RNLS: variants seen among roughly 807,000 people sequenced by gnomAD.
RNLS encodes renalase, FAD dependent amine oxidase.
Under a neutral mutation model 39.8 loss-of-function variants are expected in RNLS, and 39 were observed. That is an observed-to-expected ratio of 0.98 (90% CI 0.76 to 1.28). The LOEUF (loss-of-function observed/expected upper bound fraction) is 1.28. RNLS is among the 50% of genes most tolerant of loss of function. The probability of loss-of-function intolerance (pLI) is 0.00; values close to 1 mark genes in which losing one functional copy is unlikely to be tolerated. For synonymous variants in RNLS, 147 were observed against 150.7 expected (o/e 0.98, Z 0.18); for missense variants, 410 against 413.3 (o/e 0.99, Z 0.07).
chr10:88,524,947 TGGCACAC>T (rs1300842991), intron 4 of RNLS, among the ~76,000 whole-genome samples: 2 of 79,440 alleles, frequency 2.5e-5, no homozygotes, highest in East Asian at 5.1e-4. Flanking sequence ...TATATATATA[TGGCACAC>T]ACATACATAT....
the RNLS span, among the ~76,000 whole-genome samples, chr10:88,203,346 G>A: frequency 0.59 from 8,649 of 14,574 alleles, 3,811 homozygotes; most frequent in Non-Finnish European, 0.68. Flanking sequence ...ACACGTATGT[G>A]TATATATATA....
chr10:88,582,937 G>A (rs1850720410), intron 1 of RNLS, 136 bp downstream of exon 1: 4 of 1,042,004 alleles, frequency 3.8e-6, no homozygotes, highest in Non-Finnish European at 4.0e-6. Context: ...CGGCGCATGG[G>A]CCGCGCTACA....
chr10:88,500,604 T>C (rs1400649963), intron 4 of RNLS, among the ~76,000 whole-genome samples: 1 of 152,192 alleles, frequency 6.6e-6, no homozygotes, highest in Admixed American at 6.6e-5. Flanking sequence ...AAGCAAATCA[T>C]GCTATTTAAT....
At chr10:88,299,748 A>T (rs1414698505) in intron 6 of RNLS, among the ~76,000 whole-genome samples, 1 of 152,204 alleles carries the variant, frequency 6.6e-6, no homozygotes, top group African/African-American at 2.4e-5. Context: ...TAATTTTTGT[A>T]TATTCTGTGA....
the RNLS span, among the ~76,000 whole-genome samples, chr10:88,187,827 C>T: frequency 6.6e-6 from 1 of 152,186 alleles, no homozygotes; most frequent in South Asian, 2.1e-4. Flanking sequence ...TACCTTATTT[C>T]TTACTTTCTG....
At chr10:88,433,754 C>T (rs1855277916) in intron 4 of RNLS, among the ~76,000 whole-genome samples, 1 of 152,062 alleles carries the variant, frequency 6.6e-6, no homozygotes, top group African/African-American at 2.4e-5. Context: ...ATGGCATTTA[C>T]TTCAGCCACA....
Position 88,550,598 on chromosome 10 carries a change from T to C in RNLS, c.526+22305A>G, listed in dbSNP as rs184834454. Among the ~76,000 whole-genome samples the C allele has an allele frequency of 3.3e-5, 5 of 152,350 alleles. 1 individual carries two copies. The highest frequency in any genetic ancestry group is 1.2e-4 in the African/African-American group (5 of 41,580). On this transcript the variant is annotated intron_variant, in intron 4 of 6. Coordinates refer to ENST00000331772, the MANE Select transcript of RNLS (RefSeq NM_001031709.3). ...GATCCTGGTTTGAATATAAGCCTTT[T>C]TGTTTCCTCCCCCAAAATCTAATGT...
intron 5 of RNLS, among the ~76,000 whole-genome samples, chr10:88,339,521 T>G (rs1216232795): frequency 6.6e-6 from 1 of 152,142 alleles, no homozygotes; most frequent in Non-Finnish European, 1.5e-5. Flanking sequence ...TCTCTAAACT[T>G]TAGTTTTCTC....
At chr10:88,437,709 T>C (rs1210758865) in intron 4 of RNLS, among the ~76,000 whole-genome samples, 1 of 152,208 alleles carries the variant, frequency 6.6e-6, no homozygotes, top group African/African-American at 2.4e-5. Context: ...TTATTTAGTC[T>C]AAGCCAATCA....
chr10:88,224,552 G>T, the RNLS span, among the ~76,000 whole-genome samples: 1 of 152,166 alleles, frequency 6.6e-6, no homozygotes, highest in Non-Finnish European at 1.5e-5. Flanking sequence ...TCTGTCTGTT[G>T]GATAAATTGT....
At chr10:88,318,569 C>T (rs1845940655) in intron 5 of RNLS, among the ~76,000 whole-genome samples, 2 of 152,184 alleles carry the variant, frequency 1.3e-5, no homozygotes, top group African/African-American at 4.8e-5. Context: ...AAGGGCAGGG[C>T]CCAACTCCCT....
intron 5 of RNLS, among the ~76,000 whole-genome samples, chr10:88,354,084 C>T (rs1398610732): frequency 6.6e-6 from 1 of 152,162 alleles, no homozygotes; most frequent in African/African-American, 2.4e-5. Flanking sequence ...CTTCCTCCAT[C>T]CCTTTATTTT....
chr10:88,258,875 T>C, the RNLS span, among the ~76,000 whole-genome samples: 1 of 152,162 alleles, frequency 6.6e-6, no homozygotes, highest in Non-Finnish European at 1.5e-5. Context: ...AGACCTAGGG[T>C]GCTCTGCTGC....
At chr10:88,548,261 CAAAAAAAAAAAAAA>C (rs869175046) in intron 4 of RNLS, among the ~76,000 whole-genome samples, 2 of 32,404 alleles carry the variant, frequency 6.2e-5, no homozygotes, top group South Asian at 2.4e-3. Flanking sequence ...GACTCCGTCT[CAAAAAAAAAAAAAA>C]AAAAAAAAAA....
Position 88,498,689 on chromosome 10 carries a change from C to T in RNLS, c.526+74214G>A, listed in dbSNP as rs1053084912. ...AAAATGCCCTTGTTTTAAGAAGGCACACAATGGAGTATATACAGATAGGAG... is the reference window on the plus strand; with the variant it reads ...AAAATGCCCTTGTTTTAAGAAGGCATACAATGGAGTATATACAGATAGGAG... On this transcript the variant is annotated intron_variant, in intron 4 of 6. Coordinates refer to ENST00000331772, the MANE Select transcript of RNLS (RefSeq NM_001031709.3). Among the ~76,000 whole-genome samples the T allele has an allele frequency of 3.3e-5, 5 of 151,684 alleles. No individual in the cohort carries two copies. In the East Asian group the frequency reaches 5.8e-4, roughly 18 times the overall value.
chr10:88,240,180 G>T, the RNLS span, among the ~76,000 whole-genome samples: 2 of 151,978 alleles, frequency 1.3e-5, no homozygotes, highest in African/African-American at 4.8e-5. Context: ...TACTTACAAG[G>T]TAACCATGTT....
At chr10:88,296,987 TTTTA>T (rs1844139616) in intron 6 of RNLS, among the ~76,000 whole-genome samples, 1 of 152,210 alleles carries the variant, frequency 6.6e-6, no homozygotes, top group African/African-American at 2.4e-5. Flanking sequence ...GTTTGTTCCT[TTTTA>T]TTACTGAGTA....
At chr10:88,260,577 G>C in the RNLS span, among the ~76,000 whole-genome samples, 1 of 152,184 alleles carries the variant, frequency 6.6e-6, no homozygotes, top group African/African-American at 2.4e-5. Context: ...ACACTACCTA[G>C]TACTAGTCTG....
chr10:88,567,153 T>C (rs1038970781), intron 4 of RNLS, among the ~76,000 whole-genome samples: 10 of 151,826 alleles, frequency 6.6e-5, no homozygotes, highest in African/African-American at 1.9e-4. Flanking sequence ...TCAAATAAAA[T>C]CATAAAGCAA....
Sources: allele counts gnomAD v4.1 joint callset (sites outside exome capture counted in the v4.1 genomes callset), GRCh38; gene constraint gnomAD v4.1.1; transcripts MANE v1.5; gene names NCBI Gene and HGNC (gene_info 2026-07-23, HGNC 2026-07-21).